The following RAB5C variants were observed in gnomAD, a reference collection of about 807,000 sequenced individuals.
RAB5C encodes ras-related protein Rab-5C.
In RAB5C, 4 loss-of-function variants were observed where a neutral mutation model predicts 25.2. That is an observed-to-expected ratio of 0.16 (90% CI 0.08 to 0.36). The LOEUF (loss-of-function observed/expected upper bound fraction) is 0.36. Ranked by LOEUF, RAB5C falls within the 10% of genes least tolerant of loss-of-function variation. The pLI, the probability that RAB5C is intolerant of heterozygous loss-of-function variation, is 1.00. For missense variants in RAB5C, 199 were observed against 283.8 expected (o/e 0.70, Z 2.15); for synonymous variants, 100 against 106.4 (o/e 0.94, Z 0.37).
intron 1 of RAB5C, among the ~76,000 whole-genome samples, chr17:42,140,501 ATATATATATATATATTT>A (rs1486702871): frequency 5.9e-5 from 3 of 51,022 alleles, no homozygotes; most frequent in Admixed American, 5.3e-4. Flanking sequence ...ATATATATAT[ATATATATATATATATTT>A]TTTTTTTTTT....
chr17:42,139,071 G>A (rs1187759211), intron 1 of RAB5C, among the ~76,000 whole-genome samples: 1 of 152,194 alleles, frequency 6.6e-6, no homozygotes, highest in Non-Finnish European at 1.5e-5. Context: ...GGCTCAGAGA[G>A]GAGCAGTCAG....
intron 1 of RAB5C, among the ~76,000 whole-genome samples, chr17:42,139,158 T>C (rs2054566405): frequency 2.0e-5 from 3 of 152,182 alleles, no homozygotes; most frequent in Admixed American, 2.0e-4. Context: ...TGGGAGGACA[T>C]CTCCATGGAT....
At chr17:42,131,070 C>T (rs1306542405) in intron 1 of RAB5C, among the ~76,000 whole-genome samples, 1 of 152,152 alleles carries the variant, frequency 6.6e-6, no homozygotes, top group Non-Finnish European at 1.5e-5. Context: ...AGACAGGGGC[C>T]CAAGAGGTCC....
At chr17:42,151,146 A>G (rs928363563) in intron 1 of RAB5C, among the ~76,000 whole-genome samples, 2 of 152,098 alleles carry the variant, frequency 1.3e-5, no homozygotes, top group Admixed American at 6.5e-5. Context: ...GGTTAGAAGT[A>G]GAAGGTCTGG....
At chr17:42,132,969 G>A (rs2054501171) in intron 1 of RAB5C, among the ~76,000 whole-genome samples, 1 of 152,206 alleles carries the variant, frequency 6.6e-6, no homozygotes, top group Non-Finnish European at 1.5e-5. Context: ...GAACAATGGA[G>A]GCAGTGCCTG....
At chr17:42,140,507 ATATATATATTTTTTTTTTT>A (rs1410718681) in intron 1 of RAB5C, among the ~76,000 whole-genome samples, 1,113 of 40,580 alleles carry the variant, frequency 0.027, 5 homozygotes, top group African/African-American at 0.081. Context: ...ATATATATAT[ATATATATATTTTTTTTTTT>A]TTTTTTTTTT....
intron 1 of RAB5C, among the ~76,000 whole-genome samples, chr17:42,147,340 C>T (rs1034776237): frequency 2.0e-5 from 3 of 152,302 alleles, no homozygotes; most frequent in Admixed American, 6.5e-5. Context: ...CACTCAGGAA[C>T]GAGCCTTGTG....
intron 1 of RAB5C, among the ~76,000 whole-genome samples, chr17:42,143,984 C>T (rs1010637123): frequency 6.6e-6 from 1 of 151,962 alleles, no homozygotes; most frequent in South Asian, 2.1e-4. Flanking sequence ...TAGGGTTTCA[C>T]CATGTTGGCT....
intron 1 of RAB5C, among the ~76,000 whole-genome samples, chr17:42,132,826 C>T (rs1379880785): frequency 6.6e-6 from 1 of 152,068 alleles, no homozygotes; most frequent in African/African-American, 2.4e-5. Context: ...TCAAGCTTTA[C>T]GACAACCTCC....
Position 42,130,258 on chromosome 17 carries a change from C to G in RAB5C, c.166+79G>C, listed in dbSNP as rs1247033645. 5.9e-6 allele frequency: 9 copies of G among 1,521,984 alleles called. No individual in the cohort carries two copies. In the East Asian group the frequency reaches 2.1e-4, roughly 35 times the overall value. 94.3% of individuals were successfully genotyped at this position (1,521,984 alleles called of 1,614,324 possible). A position where few individuals can be genotyped will look rare whatever the true frequency, so the allele number is the denominator to read the frequency against. ...GCATTTAGTCCCTAATGCAGGCAGG[C>G]AGCTTCCCATCTCCTCAAGGTCAAA... On this transcript the variant is annotated intron_variant, in intron 2 of 5. Coordinates refer to ENST00000346213, the MANE Select transcript of RAB5C (RefSeq NM_004583.4).
At chr17:42,140,515 ATTTTTTTTTTTTTTTTTT>A (rs10553272) in intron 1 of RAB5C, among the ~76,000 whole-genome samples, 1 of 26,656 alleles carries the variant, frequency 3.8e-5, no homozygotes, top group African/African-American at 1.5e-4. Context: ...ATATATATAT[ATTTTTTTTTTTTTTTTTT>A]TTTTTTTTGA....
At chr17:42,140,891 C>T (rs1029017579) in intron 1 of RAB5C, among the ~76,000 whole-genome samples, 16 of 151,964 alleles carry the variant, frequency 1.1e-4, no homozygotes, top group African/African-American at 3.1e-4. Context: ...TGCAGTGACG[C>T]AATCATAGCT....
chr17:42,154,818 T>C (rs2079696620), intron 1 of RAB5C, 75 bp downstream of exon 1: 2 of 152,278 alleles, frequency 1.3e-5, no homozygotes, highest in South Asian at 4.1e-4. Flanking sequence ...AAACTGGGGC[T>C]GGGCGGGAGG....
Position 42,125,549 on chromosome 17 carries a change from A to C in RAB5C, c.*234T>G. On this transcript the variant is annotated 3_prime_UTR_variant, in exon 6 of 6. Transcript: ENST00000346213. Reference sequence around the variant, plus strand: ...GAGGAAGTGGGAAGAGCAGAAGATCATATATATTAAAAAAGTGACTTAAGA... The same window carrying C: ...GAGGAAGTGGGAAGAGCAGAAGATCCTATATATTAAAAAAGTGACTTAAGA... The C allele has an allele frequency of 4.0e-6, 2 of 503,024 alleles. No individual in the cohort carries two copies. Among genetic ancestry groups the C allele is most frequent in the Non-Finnish European group, 7.1e-6 (2 of 281,126 alleles). 31.2% of individuals were successfully genotyped at this position (503,024 alleles called of 1,614,324 possible). A position where few individuals can be genotyped will look rare whatever the true frequency, so the allele number is the denominator to read the frequency against.
At chr17:42,154,044 GA>G (rs904744226) in intron 1 of RAB5C, among the ~76,000 whole-genome samples, 2 of 152,142 alleles carry the variant, frequency 1.3e-5, no homozygotes, top group Admixed American at 6.5e-5. Flanking sequence ...CCTCCCTATA[GA>G]CACACGGACA....
chr17:42,126,832 G>A lies in RAB5C; in HGVS notation c.458C>T (p.Ala153Val), dbSNP rs776811895. The A allele has an allele frequency of 4.3e-6, 7 of 1,611,770 alleles. No homozygotes were observed. The Admixed American group carries it at 1.0e-4, about 23-fold the overall frequency. Residue 153 changes from alanine to valine, a missense_variant, in exon 5 of 6, where the codon GCA becomes GTA. Physicochemically the swap from Ala to Val is moderately conservative, Grantham distance 64 (BLOSUM62 0). Coordinates refer to ENST00000346213, the MANE Select transcript of RAB5C (RefSeq NM_004583.4). ...CATGAACAGCAAACTGTTGTCGTCT[G>A]CATAGGCTTGTGCTTCCTGGTTTGG... ...AVEFQEAQAY[A>V]DDNSLLFMET... is the part of the protein sequence containing the mutation.
intron 1 of RAB5C, among the ~76,000 whole-genome samples, chr17:42,147,586 T>C (rs1387645419): frequency 6.6e-6 from 1 of 152,218 alleles, no homozygotes; most frequent in Non-Finnish European, 1.5e-5. Context: ...TGGAGAGTCT[T>C]AACTTCTGGA....
chr17:42,151,261 C>T (rs1263896484), intron 1 of RAB5C, among the ~76,000 whole-genome samples: 2 of 152,062 alleles, frequency 1.3e-5, no homozygotes, highest in African/African-American at 4.8e-5. Flanking sequence ...ACGGCGGAAC[C>T]CCATCTCTAC....
chr17:42,135,609 G>A (rs2054528804), intron 1 of RAB5C, among the ~76,000 whole-genome samples: 1 of 152,176 alleles, frequency 6.6e-6, no homozygotes, highest in African/African-American at 2.4e-5. Context: ...ACTCGTAAGT[G>A]TGCATGTGTA....
Sources: allele counts gnomAD v4.1 joint callset (sites outside exome capture counted in the v4.1 genomes callset), GRCh38; gene constraint gnomAD v4.1.1; transcripts MANE v1.5; gene names NCBI Gene and HGNC (gene_info 2026-07-23, HGNC 2026-07-21).